Variants in SLC2A5 observed in about 807,000 individuals in gnomAD.
SLC2A5 encodes solute carrier family 2 member 5.
A neutral mutation model predicts 50.3 loss-of-function variants in SLC2A5; 56 were observed. The ratio of observed to expected loss-of-function variants is 1.11; its 90% CI spans 0.90 to 1.39. The LOEUF is 1.39. Among genes scored for constraint, SLC2A5 ranks in the 40% most tolerant of loss-of-function variants. The pLI is 0.00. For synonymous variants in SLC2A5, 269 were observed against 281.9 expected (o/e 0.95, Z 0.46); for missense variants, 566 against 650.1 (o/e 0.87, Z 1.41).
At chr1:9,079,187 C>T (rs1457213047) in intron 2 of SLC2A5, among the ~76,000 whole-genome samples, 3 of 152,168 alleles carry the variant, frequency 2.0e-5, no homozygotes, top group African/African-American at 7.2e-5. Context: ...ATTCTGTCCT[C>T]ACTTGAGCTC....
At chr1:9,073,751 G>A (rs1419652067), upstream of SLC2A5, among the ~76,000 whole-genome samples, 2 of 152,226 alleles carry the variant, frequency 1.3e-5, no homozygotes, top group Admixed American at 1.3e-4. Flanking sequence ...CTCAGTACAT[G>A]CTTCTGTACT....
At chr1:9,087,813 C>T (rs1272452668) in intron 1 of SLC2A5, among the ~76,000 whole-genome samples, 2 of 152,164 alleles carry the variant, frequency 1.3e-5, no homozygotes, top group Non-Finnish European at 2.9e-5. Context: ...AGGTATTTCG[C>T]TCTCTAGCAC....
intron 1 of SLC2A5, among the ~76,000 whole-genome samples, chr1:9,065,887 T>A (rs565627715): frequency 5.3e-4 from 80 of 152,198 alleles, no homozygotes; most frequent in African/African-American, 1.8e-3. Context: ...GAGGCTGCAA[T>A]GAGCCGTGAT....
At chr1:9,054,717 A>G (rs192559771) in intron 3 of SLC2A5, among the ~76,000 whole-genome samples, 1 of 152,062 alleles carries the variant, frequency 6.6e-6, no homozygotes, top group East Asian at 1.9e-4. Context: ...TTGAGCCCAG[A>G]AGTTTGAGAC....
rs1357706433 is a variant in SLC2A5 at position 9,038,116 on chromosome 1, G to C, written c.1175-92C>G. Reference sequence around the variant, plus strand: ...CAGACCCACCAGGTAGCTGGCCCCAGGACAGAGGCGTCTCCAGGACTCTTG... The same window carrying C: ...CAGACCCACCAGGTAGCTGGCCCCACGACAGAGGCGTCTCCAGGACTCTTG... On this transcript the variant is annotated intron_variant, in intron 10 of 11. Transcript: ENST00000377424. 7 of 1,439,294 alleles carry C rather than the reference G, an allele frequency of 4.9e-6. No individual in the cohort carries two copies. In the Admixed American group the frequency reaches 1.5e-4, roughly 30 times the overall value. The allele number at this position is 1,439,294 out of a possible 1,614,324, so 89.2% of individuals were successfully genotyped here.
chr1:9,060,226 AAT>A (rs1409171018), intron 1 of SLC2A5, among the ~76,000 whole-genome samples: 2 of 87,082 alleles, frequency 2.3e-5, no homozygotes, highest in African/African-American at 5.0e-5. Context: ...TGTAACAAAC[AAT>A]ACACACACAC....
chr1:9,039,579 G>T lies in SLC2A5; in HGVS notation c.969C>A (p.Ala323=), dbSNP rs766785179. 1.3e-6 allele frequency: 2 copies of T among 1,575,966 alleles called. No individual in the cohort carries two copies. Among genetic ancestry groups the T allele is most frequent in the Non-Finnish European group, 1.7e-6 (2 of 1,161,708 alleles). The part of the protein sequence containing the change: ...HVQYVTAGTG[A]VNVVMTFCAV... ...CGCAGAAGGTCATGACCACGTTCAC[G>T]GCCCCGGTGCCGGCCGTCACGTACT... is the stretch of plus-strand genomic sequence containing the variant. The change falls in exon 8 of 12, where the codon GCC becomes GCA. Residue 323 remains alanine (A), a synonymous_variant. Transcript: ENST00000377424.
chr1:9,043,572 G>A (rs979818208), intron 4 of SLC2A5, among the ~76,000 whole-genome samples: 1 of 152,158 alleles, frequency 6.6e-6, no homozygotes, highest in Admixed American at 6.5e-5. Context: ...CTTGGTGAAG[G>A]ATATTAATAA....
At chr1:9,053,155 T>TATATA in intron 3 of SLC2A5, among the ~76,000 whole-genome samples, 1 of 76,790 alleles carries the variant, frequency 1.3e-5, no homozygotes, top group African/African-American at 5.5e-5. Context: ...TAATATATAT[T>TATATA]TTATATATTT....
At chr1:9,039,062 A>C in intron 8 of SLC2A5, 133 bp from the exon 9 acceptor site, 1 of 1,067,958 alleles carries the variant, frequency 9.4e-7, no homozygotes, top group Non-Finnish European at 1.3e-6. Flanking sequence ...TCACATTCAC[A>C]TGTGCAAGAC....
At chr1:9,049,243 G>A (rs775223523) in intron 3 of SLC2A5, 18 of 455,098 alleles carry the variant, frequency 4.0e-5, no homozygotes, top group South Asian at 9.3e-5. Context: ...CTTGCCACAC[G>A]TGAGAGCCGC....
intron 1 of SLC2A5, among the ~76,000 whole-genome samples, chr1:9,061,561 G>C (rs1208241351): frequency 1.3e-5 from 2 of 148,538 alleles, no homozygotes; most frequent in African/African-American, 2.5e-5. Context: ...AGCTATGGTT[G>C]CACCACTGCA....
intron 9 of SLC2A5, 103 bp from the exon 10 acceptor site, chr1:9,038,609 C>A (rs1217707276): frequency 7.2e-6 from 9 of 1,256,312 alleles, no homozygotes; most frequent in Non-Finnish European, 1.0e-5. Flanking sequence ...CACCTGGCTC[C>A]TCCCCCAGCA....
intron 8 of SLC2A5, 100 bp from the exon 9 acceptor site, chr1:9,039,029 T>C: frequency 7.3e-7 from 1 of 1,369,220 alleles, no homozygotes; most frequent in Non-Finnish European, 9.9e-7. Context: ...GCGGACCGGG[T>C]GCCCACCCAT....
Position 9,042,922 on chromosome 1 carries a change from T to G in SLC2A5, c.419-985A>C, listed in dbSNP as rs113815237. Among the ~76,000 whole-genome samples, 1,111 of 152,284 alleles carry G rather than the reference T, an allele frequency of 7.3e-3. 12 individuals carry two copies. Among genetic ancestry groups the G allele is most frequent in the African/African-American group, 0.025 (1,047 of 41,548 alleles). ...GCCTGGACTACTTCTGAATCCCCAG[T>G]ATTTAAACTTGTAAATATTCCCATC... On this transcript the variant is annotated intron_variant, in intron 4 of 11. Coordinates refer to ENST00000377424, the MANE Select transcript of SLC2A5 (RefSeq NM_003039.3).
chr1:9,078,505 T>C (rs984714843), intron 2 of SLC2A5, among the ~76,000 whole-genome samples: 3 of 152,292 alleles, frequency 2.0e-5, no homozygotes, highest in Middle Eastern at 3.4e-3. Flanking sequence ...GTACAGCGCT[T>C]GGGTGATGGG....
Position 9,035,483 on chromosome 1 carries a change from G to A in SLC2A5, c.*2103C>T, listed in dbSNP as rs1487177741. 3 of 152,188 alleles carry A rather than the reference G, an allele frequency of 2.0e-5. No individual in the cohort carries two copies. The highest frequency in any genetic ancestry group is 4.4e-5 in the Non-Finnish European group (3 of 68,068). The allele number at this position is 152,188 out of a possible 1,614,324, so 9.4% of individuals were successfully genotyped here. ...GTGAGTGGTTTAGCTTGTTGCTGGTGGAATCTCCATTACATACCCACAAAA... is the reference window on the plus strand; with the variant it reads ...GTGAGTGGTTTAGCTTGTTGCTGGTAGAATCTCCATTACATACCCACAAAA... On this transcript the variant is annotated 3_prime_UTR_variant, in exon 12 of 12. Transcript: ENST00000377424.
At chr1:9,041,504 G>A in intron 5 of SLC2A5, 1 of 1,334,160 alleles carries the variant, frequency 7.5e-7, no homozygotes, top group Non-Finnish European at 9.6e-7. Flanking sequence ...GCCTCCATAT[G>A]GACAGCTGCT....
At chr1:9,060,797 C>A (rs548200233) in intron 1 of SLC2A5, among the ~76,000 whole-genome samples, 2 of 151,898 alleles carry the variant, frequency 1.3e-5, no homozygotes, top group Non-Finnish European at 2.9e-5. Context: ...TTCATTCACT[C>A]GTCTATTCAG....
Sources: allele counts gnomAD v4.1 joint callset (sites outside exome capture counted in the v4.1 genomes callset), GRCh38; gene constraint gnomAD v4.1.1; transcripts MANE v1.5; gene names NCBI Gene and HGNC (gene_info 2026-07-23, HGNC 2026-07-21).